The following GRB10 variants were observed in gnomAD, a reference collection of about 807,000 sequenced individuals.
The protein encoded by GRB10 is growth factor receptor-bound protein 10.
In GRB10, 20 loss-of-function variants were observed where a neutral mutation model predicts 80.9. The ratio of observed to expected loss-of-function variants is 0.25; its 90% CI spans 0.17 to 0.36. The LOEUF (loss-of-function observed/expected upper bound fraction) is 0.36. Ranked by LOEUF, GRB10 falls within the 10% of genes least tolerant of loss-of-function variation. The probability of loss-of-function intolerance (pLI) is 1.00; values close to 1 mark genes in which losing one functional copy is unlikely to be tolerated. For synonymous variants in GRB10, 291 were observed against 291.5 expected (o/e 1.00, Z 0.02); for missense variants, 548 against 747.7 (o/e 0.73, Z 3.12).
chr7:50,720,567 A>C (rs969042083), intron 4 of GRB10, among the ~76,000 whole-genome samples: 1 of 152,216 alleles, frequency 6.6e-6, no homozygotes, highest in African/African-American at 2.4e-5. Context: ...GGCAACACTT[A>C]AAACCCCAAG....
At chr7:50,669,365 A>C (rs1404684521) in intron 7 of GRB10, among the ~76,000 whole-genome samples, 3 of 152,158 alleles carry the variant, frequency 2.0e-5, no homozygotes, top group Non-Finnish European at 2.9e-5. Flanking sequence ...GCACAGCAGG[A>C]GTGGGAGCAA....
At chr7:50,740,714 TGAA>T (rs1185123718) in intron 3 of GRB10, among the ~76,000 whole-genome samples, 4 of 151,536 alleles carry the variant, frequency 2.6e-5, no homozygotes, top group Non-Finnish European at 5.9e-5. Flanking sequence ...GGAAAATAGA[TGAA>T]GACACATTCA....
chr7:50,652,846 C>T (rs1182604615), intron 7 of GRB10, among the ~76,000 whole-genome samples: 1 of 152,188 alleles, frequency 6.6e-6, no homozygotes, highest in Non-Finnish European at 1.5e-5. Flanking sequence ...TAGTTTGACT[C>T]AGAATTATCA....
chr7:50,784,701 G>C (rs923229353), upstream of GRB10, among the ~76,000 whole-genome samples: 5 of 152,196 alleles, frequency 3.3e-5, no homozygotes, highest in Non-Finnish European at 5.9e-5. Flanking sequence ...TGCTTTACTA[G>C]AACAAGAACA....
intron 13 of GRB10, among the ~76,000 whole-genome samples, chr7:50,608,686 C>T (rs762262804): frequency 3.3e-5 from 5 of 152,162 alleles, no homozygotes; most frequent in South Asian, 2.1e-4. Context: ...CATGTTAGGC[C>T]GGGCGCGGTG....
chr7:50,752,622 C>T lies in GRB10; in HGVS notation c.-47+3265G>A, dbSNP rs563932694. Among the ~76,000 whole-genome samples, 11 of 152,328 alleles carry T rather than the reference C, an allele frequency of 7.2e-5. No homozygotes were observed. The South Asian group carries it at 2.3e-3, about 32-fold the overall frequency. ...ATGATAATGAGCCCTCCCCTGACTG[C>T]ATTCCAAGGGTGAGCAGGGCCATGA... On this transcript the variant is annotated intron_variant, in intron 3 of 18. Transcript: ENST00000401949.
chr7:50,626,918 T>C lies in GRB10; in HGVS notation c.565A>G (p.Thr189Ala). The C allele has an allele frequency of 6.2e-7, 1 of 1,614,180 alleles. No homozygotes were observed. Among genetic ancestry groups the C allele is most frequent in the Non-Finnish European group, 8.5e-7 (1 of 1,180,008 alleles). The change falls in exon 8 of 19, where the codon ACA (threonine) becomes GCA (alanine). Residue 189 changes from threonine to alanine, a missense_variant. Thr to Ala is a moderately conservative substitution (Grantham distance 58, BLOSUM62 0). Around this residue, in one of 4 missense-constraint regions of GRB10, gnomAD observed 270 missense variants for 433.6 expected, o/e 0.62. Coordinates refer to ENST00000401949, the MANE Select transcript of GRB10 (RefSeq NM_001350814.2). ...SKVVEILADMTARDLCQLLVY... is the reference protein window; with the variant it reads ...SKVVEILADMAARDLCQLLVY... ...AGCAATTGGCACAGGTCTCTGGCTG[T>C]CATGTCTGCTAGAATCTCCACCACT... is the stretch of plus-strand genomic sequence containing the variant.
In GRB10 at chr7:50,592,791, G is replaced by T; in HGVS notation, c.*161C>A. 2.4e-6 allele frequency: 2 copies of T among 844,762 alleles called. No individual in the cohort carries two copies. Among genetic ancestry groups the T allele is most frequent in the Non-Finnish European group, 3.8e-6 (2 of 521,910 alleles). The allele number at this position is 844,762 out of a possible 1,614,324, so 52.3% of individuals were successfully genotyped here. A position where few individuals can be genotyped will look rare whatever the true frequency, so the allele number is the denominator to read the frequency against. Reference sequence around the variant, plus strand: ...TTCACAGCAGCAAATCGTCGTTTAAGTCCAACAAACTAGTCAATCTTGGTC... The same window carrying T: ...TTCACAGCAGCAAATCGTCGTTTAATTCCAACAAACTAGTCAATCTTGGTC... On this transcript the variant is annotated 3_prime_UTR_variant, in exon 19 of 19. Coordinates refer to ENST00000401949, the MANE Select transcript of GRB10 (RefSeq NM_001350814.2).
chr7:50,590,928 T>C lies in GRB10; in HGVS notation c.*2024A>G, dbSNP rs2045776737. 6.6e-6 allele frequency: 1 copy of C among 152,214 alleles called. No individual in the cohort carries two copies. Among genetic ancestry groups the C allele is most frequent in the South Asian group, 2.1e-4 (1 of 4,824 alleles). The allele number at this position is 152,214 out of a possible 1,614,324, so 9.4% of individuals were successfully genotyped here. On this transcript the variant is annotated 3_prime_UTR_variant, in exon 19 of 19. Coordinates refer to ENST00000401949, the MANE Select transcript of GRB10 (RefSeq NM_001350814.2). ...AAATACTGCAAATACAAGCTGTCTA[T>C]TGGAGAGAGGCGTGTGAGAGAGAGA...
At chr7:50,634,783 GAA>G (rs1282768100) in intron 7 of GRB10, among the ~76,000 whole-genome samples, 2 of 151,990 alleles carry the variant, frequency 1.3e-5, no homozygotes, top group Non-Finnish European at 2.9e-5. Context: ...AACAGTTTTA[GAA>G]AAAGAGACAA....
chr7:50,766,668 T>C (rs2076371001), intron 2 of GRB10, among the ~76,000 whole-genome samples: 1 of 152,156 alleles, frequency 6.6e-6, no homozygotes. Flanking sequence ...TGAAGAAAGC[T>C]GTAGGGAAAC....
intron 7 of GRB10, among the ~76,000 whole-genome samples, chr7:50,657,466 T>G (rs2058758396): frequency 6.6e-6 from 1 of 152,156 alleles, no homozygotes; most frequent in Non-Finnish European, 1.5e-5. Context: ...GCGGAAACAC[T>G]ACCCGTGAAC....
Position 50,765,352 on chromosome 7 carries a change from A to G in GRB10, c.-216-9296T>C, listed in dbSNP as rs201017578. On this transcript the variant is annotated intron_variant, in intron 2 of 18. Transcript: ENST00000401949. ...AAAAGAAAGGATCTGTATCAAAAAG[A>G]TATCTGCACACCCGTGTTTACTGCA... Among the ~76,000 whole-genome samples the G allele has an allele frequency of 8.5e-5, 13 of 152,360 alleles. No individual in the cohort carries two copies. The East Asian group carries it at 2.5e-3, about 29-fold the overall frequency.
intron 17 of GRB10, chr7:50,595,766 C>T: frequency 2.1e-6 from 1 of 481,794 alleles, no homozygotes; most frequent in South Asian, 2.1e-5. Context: ...AAGCTGGGCT[C>T]CTTGGGGATA....
intron 5 of GRB10, among the ~76,000 whole-genome samples, chr7:50,687,414 G>C (rs1179375089): frequency 1.3e-5 from 2 of 152,196 alleles, no homozygotes; most frequent in Non-Finnish European, 2.9e-5. Flanking sequence ...TCACACCTCT[G>C]CCTTGAATCC....
intron 3 of GRB10, among the ~76,000 whole-genome samples, chr7:50,741,941 TCA>T (rs1367769250): frequency 3.3e-5 from 5 of 152,000 alleles, no homozygotes; most frequent in Admixed American, 2.0e-4. Flanking sequence ...TGATTTTTAA[TCA>T]CACAGTAATT....
chr7:50,594,640 T>G (rs1364686926), intron 18 of GRB10, among the ~76,000 whole-genome samples: 1 of 152,232 alleles, frequency 6.6e-6, no homozygotes, highest in East Asian at 1.9e-4. Context: ...CAATTCAGCA[T>G]GTAAACAGCT....
chr7:50,737,418 T>A (rs4947828), intron 3 of GRB10, among the ~76,000 whole-genome samples: 14 of 152,208 alleles, frequency 9.2e-5, no homozygotes, highest in African/African-American at 2.4e-4. Context: ...TTCACCTTCC[T>A]CCATGAGTCT....
chr7:50,731,323 A>C (rs2069685925), intron 4 of GRB10, among the ~76,000 whole-genome samples: 1 of 151,892 alleles, frequency 6.6e-6, no homozygotes, highest in South Asian at 2.1e-4. Context: ...AAAAAAAAAA[A>C]TGTTCAAAGG....
Sources: gnomAD v4.1 joint callset for allele counts (sites outside exome capture counted in the v4.1 genomes callset) on GRCh38, gnomAD v4.1.1 for gene constraint, gnomAD v4.1.1 regional missense constraint, MANE v1.5 for transcripts, NCBI Gene and HGNC (gene_info 2026-07-23, HGNC 2026-07-21) for gene names.